ADA2: variants seen among roughly 807,000 people sequenced by gnomAD.
ADA2 encodes the protein adenosine deaminase 2, also known as adenosine deaminase CECR1.
Under a neutral mutation model 44.2 loss-of-function variants are expected in ADA2, and 29 were observed. That is an observed-to-expected ratio of 0.66 (90% confidence interval 0.49 to 0.89). The LOEUF is 0.89. Among genes scored for constraint, ADA2 ranks in the 40% least tolerant of loss-of-function variants. The probability of loss-of-function intolerance (pLI) is 0.00; values close to 1 mark genes in which losing one functional copy is unlikely to be tolerated. For synonymous variants in ADA2, 215 were observed against 234.9 expected, an observed-to-expected ratio of 0.92 and a Z score of 0.77; for missense variants, 637 against 644.8, an observed-to-expected ratio of 0.99 and a Z score of 0.13.
chr22:17,204,690 G>A (rs1189033009), intron 3 of ADA2, among the ~76,000 whole-genome samples: 3 of 151,714 alleles, frequency 2.0e-5, no homozygotes, highest in South Asian at 2.1e-4. Context: ...AGCCAGAGGC[G>A]CCTTCTGCAC....
rs535668485 is a variant in ADA2 at position 17,184,835 on chromosome 22, G to C, written c.1082-2074C>G. 4.7e-5 allele frequency among the ~76,000 whole-genome samples: 7 copies of C among 149,406 alleles called. No individual in the cohort carries two copies. In the East Asian group the frequency reaches 1.4e-3, roughly 29 times the overall value. On this transcript the variant is annotated intron_variant, in intron 7 of 9. Coordinates refer to ENST00000399837, the MANE Select transcript of ADA2 (RefSeq NM_001282225.2). ...TCCCAGCTACTTAGGAGGCTGAGGT[G>C]GAAGGATAACCTGAACCCAGGAGGT...
In ADA2 at chr22:17,184,010, G is replaced by A. The variant is rs142735745; in HGVS notation, c.1082-1249C>T. On this transcript the variant is annotated intron_variant, in intron 7 of 9. Transcript: ENST00000399837. ...GTCTCGCTCTGTCACCCAGGCTGGA[G>A]TGCAGTGGTGCAGTCTCGGCTCACT... Among the ~76,000 whole-genome samples, 1,314 of 135,032 alleles carry A rather than the reference G, an allele frequency of 9.7e-3. 22 individuals carry two copies. Among genetic ancestry groups the A allele is most frequent in the African/African-American group, 0.035 (1,246 of 35,118 alleles). The allele number at this position is 135,032 out of a possible 152,430, so 88.6% of individuals were successfully genotyped here.
intron 2 of ADA2, 43 bp from the exon 3 acceptor site, chr22:17,207,333 C>A (rs765894198): frequency 6.9e-7 from 1 of 1,439,934 alleles, no homozygotes; most frequent in Non-Finnish European, 9.7e-7. Context: ...GGGTGAAGTC[C>A]CATCCCAGGA....
Position 17,207,190 on chromosome 22 carries a change from C to G in ADA2, c.423G>C (p.Arg141Ser). The G allele has an allele frequency of 6.2e-7, 1 of 1,614,198 alleles. No individual in the cohort carries two copies. Among genetic ancestry groups the G allele is most frequent in the South Asian group, 1.1e-5 (1 of 91,078 alleles). ...RPHCHICFTP[R>S]GIMQFRFAHP... ...GAGCAAATCTGAACTGCATGATCCC[C>G]CTTGGGGTGAAACAGATGTGGCAGT... Residue 141 changes from arginine to serine, a missense_variant, in exon 3 of 10, where the codon AGG (arginine) becomes AGC (serine). Physicochemically the swap from Arg to Ser is moderately radical, Grantham distance 110 (BLOSUM62 -1). Coordinates refer to ENST00000399837, the MANE Select transcript of ADA2 (RefSeq NM_001282225.2).
intron 6 of ADA2, 59 bp from the exon 7 acceptor site, chr22:17,188,506 G>A (rs910212434): frequency 5.3e-5 from 63 of 1,178,732 alleles, no homozygotes; most frequent in African/African-American, 3.8e-4. Flanking sequence ...CTTGCTGATG[G>A]CGCGCCCTGG....
At chr22:17,202,454 A>G (rs2062301341) in intron 4 of ADA2, among the ~76,000 whole-genome samples, 1 of 152,040 alleles carries the variant, frequency 6.6e-6, no homozygotes. Flanking sequence ...TTTAGTAGAG[A>G]TGGAATTTCG....
intron 1 of ADA2, chr22:17,213,970 G>T (rs1285797321): frequency 8.8e-5 from 29 of 330,332 alleles, no homozygotes; most frequent in South Asian, 6.0e-4. Context: ...ACCCGGTAGG[G>T]AGAGGTTGCA....
At chr22:17,182,517 A>T in intron 8 of ADA2, 87 bp downstream of exon 8, 1 of 1,294,862 alleles carries the variant, frequency 7.7e-7, no homozygotes, top group Non-Finnish European at 1.1e-6. Context: ...AGTTAAGGAG[A>T]GATAAGTTAT....
chr22:17,204,375 G>A (rs565066698), intron 3 of ADA2, among the ~76,000 whole-genome samples: 2 of 152,288 alleles, frequency 1.3e-5, no homozygotes, highest in African/African-American at 4.8e-5. Flanking sequence ...CCAACACTTT[G>A]GGAGGCCAAG....
chr22:17,211,778 A>C (rs1159615282), intron 1 of ADA2, among the ~76,000 whole-genome samples: 1 of 151,662 alleles, frequency 6.6e-6, no homozygotes, highest in African/African-American at 2.4e-5. Context: ...AAATACAAAA[A>C]TTAGCTGGGC....
chr22:17,211,229 C>T (rs1385723533), intron 1 of ADA2, among the ~76,000 whole-genome samples: 1 of 151,820 alleles, frequency 6.6e-6, no homozygotes, highest in Non-Finnish European at 1.5e-5. Flanking sequence ...CATGGTGACG[C>T]ATGCCTGTAG....
intron 7 of ADA2, among the ~76,000 whole-genome samples, chr22:17,183,299 G>A (rs914517563): frequency 3.9e-5 from 6 of 151,922 alleles, no homozygotes; most frequent in African/African-American, 1.5e-4. Flanking sequence ...TGGCCAGGAT[G>A]GTCTTGATTT....
Position 17,207,157 on chromosome 22 carries a change from A to T in ADA2, c.456T>A (p.Thr152=), listed in dbSNP as rs1474496893. ...TGGAACATTTTTCTGATGGACGGGG[A>T]GTTGGGTGAGCAAATCTGAACTGCA... ...GIMQFRFAHP[T]PRPSEKCSKW... Residue 152 remains threonine (T), a synonymous_variant, in exon 3 of 10, where the codon ACT becomes ACA. Coordinates refer to ENST00000399837, the MANE Select transcript of ADA2 (RefSeq NM_001282225.2). The T allele has an allele frequency of 6.2e-7, 1 of 1,614,118 alleles. No individual in the cohort carries two copies. The highest frequency in any genetic ancestry group is 2.2e-5 in the East Asian group (1 of 44,870).
rs1035255628 is a variant in ADA2, at chr22:17,182,865, C to T, written c.1082-104G>A. The T allele has an allele frequency of 2.6e-6, 3 of 1,172,402 alleles. No homozygotes were observed. In the African/African-American group the frequency reaches 4.7e-5, roughly 19 times the overall value. 72.6% of individuals were successfully genotyped at this position (1,172,402 alleles called of 1,614,324 possible). A position where few individuals can be genotyped will look rare whatever the true frequency, so the allele number is the denominator to read the frequency against. ...CGCCCCCCGACCATCCTCAAATAAA[C>T]AGCCCCCCAAGCACAAAAATGAAGA... On this transcript the variant is annotated intron_variant, in intron 7 of 9. Transcript: ENST00000399837.
chr22:17,199,727 C>G, intron 4 of ADA2: 3 of 1,514,438 alleles, frequency 2.0e-6, no homozygotes, highest in Non-Finnish European at 2.7e-6. Context: ...CCACCCCTTA[C>G]TACCTATTTG....
chr22:17,213,707 G>C (rs2062441106), intron 1 of ADA2: 1 of 247,300 alleles, frequency 4.0e-6, no homozygotes, highest in African/African-American at 2.3e-5. Flanking sequence ...CAGCCTTTGA[G>C]AAAATGCAGG....
At chr22:17,185,173 G>A (rs2123617427) in intron 7 of ADA2, among the ~76,000 whole-genome samples, 1 of 151,508 alleles carries the variant, frequency 6.6e-6, no homozygotes, top group Admixed American at 6.6e-5. Flanking sequence ...ACCACTTTGG[G>A]AGGCCGAGGT....
At chr22:17,194,195 C>T (rs759388591) in intron 4 of ADA2, among the ~76,000 whole-genome samples, 8 of 151,874 alleles carry the variant, frequency 5.3e-5, no homozygotes, top group African/African-American at 9.7e-5. Context: ...TTCAAGGAGC[C>T]GAGGTTGAGA....
At chr22:17,213,083 C>T (rs1404873328) in intron 1 of ADA2, among the ~76,000 whole-genome samples, 1 of 152,016 alleles carries the variant, frequency 6.6e-6, no homozygotes, top group Non-Finnish European at 1.5e-5. Flanking sequence ...AGCCACCAGG[C>T]CCAGCCAACA....
Sources: allele counts gnomAD v4.1 joint callset (sites outside exome capture counted in the v4.1 genomes callset), GRCh38; gene constraint gnomAD v4.1.1; transcripts MANE v1.5; gene names NCBI Gene and HGNC (gene_info 2026-07-23, HGNC 2026-07-21).